The following ASPH variants were observed in gnomAD, a reference collection of about 807,000 sequenced individuals.
The protein encoded by ASPH is aspartate beta-hydroxylase, also known as aspartyl/asparaginyl beta-hydroxylase.
Under a neutral mutation model 118.4 loss-of-function variants are expected in ASPH, and 100 were observed. The observed-to-expected ratio is 0.84, with a 90% CI of 0.72 to 1.00. ASPH has a LOEUF of 1.00. Among genes scored for constraint, ASPH ranks in the 50% least tolerant of loss-of-function variants. The probability of loss-of-function intolerance (pLI) is 0.00; values close to 1 mark genes in which losing one functional copy is unlikely to be tolerated. For synonymous variants in ASPH, 315 were observed against 325.6 expected, an observed-to-expected ratio of 0.97 and a Z score of 0.35; for missense variants, 920 against 919.5, an observed-to-expected ratio of 1.00 and a Z score of -0.01.
chr8:61,506,490 T>C (rs1806626927), intron 24 of ASPH, among the ~76,000 whole-genome samples: 1 of 152,184 alleles, frequency 6.6e-6, no homozygotes, highest in South Asian at 2.1e-4. Flanking sequence ...ATGTGTATTT[T>C]ACTACAATTA....
chr8:61,676,266 T>TA (rs1169065470), intron 3 of ASPH: 1 of 1,591,018 alleles, frequency 6.3e-7, no homozygotes, highest in East Asian at 2.2e-5. Flanking sequence ...GCTAAAATAT[T>TA]AAGGACTTCC....
chr8:61,664,719 C>T, intron 3 of ASPH: 2 of 985,808 alleles, frequency 2.0e-6, no homozygotes, highest in Non-Finnish European at 2.4e-6. Flanking sequence ...GAGGAACGGC[C>T]CCCTGAAAGG....
intron 17 of ASPH, among the ~76,000 whole-genome samples, chr8:61,565,609 G>A: frequency 7.8e-6 from 1 of 128,670 alleles, no homozygotes; most frequent in South Asian, 2.5e-4. Context: ...GTTTCCAGAA[G>A]ATCTAGCTAA....
intron 3 of ASPH, 142 bp from the exon 4 acceptor site, chr8:61,653,802 G>A: frequency 1.2e-6 from 1 of 840,356 alleles, no homozygotes; most frequent in South Asian, 1.9e-5. Flanking sequence ...TAAAAAGTGA[G>A]GTAGGAAAAC....
chr8:61,584,006 A>G lies in ASPH; in HGVS notation c.1000T>C (p.Leu334=). The G allele has an allele frequency of 1.3e-6, 2 of 1,568,926 alleles. No individual in the cohort carries two copies. The highest frequency in any genetic ancestry group is 1.7e-6 in the Non-Finnish European group (2 of 1,153,888). The change falls in exon 15 of 25, where the codon TTA becomes CTA. Residue 334 remains leucine, a synonymous_variant. Transcript: ENST00000379454. ...AKVKKKKPKL[L]NKFDKTIKAE... ...TTAATAGTCTTATCAAATTTATTTA[A>G]AAGTTTAGGCTTCTTTTTCTTAACT...
At position 61,575,955 on chromosome 8, in the gene ASPH, C is replaced by T. The variant is rs531501792; in HGVS notation, c.1149+817G>A. Among the ~76,000 whole-genome samples, 14 of 152,328 alleles carry T rather than the reference C, an allele frequency of 9.2e-5. 1 individual carries two copies. In the South Asian group the frequency reaches 2.9e-3, roughly 32 times the overall value. ...ACCAGCCAGTCCTAAACTGTTCACC[C>T]TGCCCTACTTTGCCTCTTCCATGGA... On this transcript the variant is annotated intron_variant, in intron 16 of 24. Transcript: ENST00000379454.
intron 3 of ASPH, among the ~76,000 whole-genome samples, chr8:61,676,965 T>C (rs1825718035): frequency 6.6e-6 from 1 of 152,182 alleles, no homozygotes; most frequent in South Asian, 2.1e-4. Context: ...ACTTAAATTT[T>C]AACACTATTA....
intron 3 of ASPH, among the ~76,000 whole-genome samples, chr8:61,677,775 T>G (rs1563542823): frequency 6.6e-6 from 1 of 152,164 alleles, no homozygotes; most frequent in African/African-American, 2.4e-5. Flanking sequence ...ACACTATAGC[T>G]GCATATTTAG....
chr8:61,567,242 G>A lies in ASPH; in HGVS notation c.1226C>T (p.Ala409Val). ...RGAIETYQEV[A>V]SLPDVPADLL... ...GTCTGCAGGGACATCAGGTAGGCTG[G>A]CCACCTCTTGGTAGGTCTCGATGGC... The change falls in exon 17 of 25, where the codon GCC becomes GTC. Residue 409 changes from alanine (A) to valine (V), a missense_variant. Transcript: ENST00000379454. 1 of 1,613,996 alleles carries A rather than the reference G, an allele frequency of 6.2e-7. No homozygotes were observed.
intron 15 of ASPH, 56 bp downstream of exon 15, chr8:61,583,888 A>T: frequency 1.5e-5 from 17 of 1,144,586 alleles, no homozygotes; most frequent in East Asian, 7.2e-5. Context: ...ACAAATCAAG[A>T]GTAATGCCTG....
At position 61,651,034 on chromosome 8, in the gene ASPH, AGATT is replaced by A. The variant is rs768946243; in HGVS notation, c.490+12_490+15del. 5.0e-6 allele frequency: 8 copies of A among 1,598,086 alleles called. No individual in the cohort carries two copies. The highest frequency in any genetic ancestry group is 1.3e-5 in the African/African-American group (1 of 74,184). On this transcript the variant is annotated intron_variant, in intron 5 of 24. Transcript: ENST00000379454. The stretch of plus-strand genomic sequence containing the variant: ...ATTTTAGTAACTCAAAACAAAGAGC[AGATT>A]TTAATTCATACCATGTTCTGCGTGT...
intron 13 of ASPH, chr8:61,624,945 T>G: frequency 7.1e-6 from 7 of 985,098 alleles, no homozygotes; most frequent in Non-Finnish European, 8.4e-6. Flanking sequence ...ACACATCGAG[T>G]ACCCATGCAG....
chr8:61,651,189 C>CAT, intron 4 of ASPH, 65 bp from the exon 5 acceptor site: 1 of 1,327,332 alleles, frequency 7.5e-7, no homozygotes, highest in Non-Finnish European at 1.1e-6. Context: ...CCCTAACACT[C>CAT]AAATATGACA....
intron 21 of ASPH, among the ~76,000 whole-genome samples, chr8:61,527,153 G>C (rs1815690680): frequency 6.6e-6 from 1 of 152,134 alleles, no homozygotes; most frequent in Non-Finnish European, 1.5e-5. Context: ...GAACTAATAG[G>C]TTACAAACCA....
intron 21 of ASPH, among the ~76,000 whole-genome samples, chr8:61,540,778 G>C: frequency 6.6e-6 from 1 of 152,164 alleles, no homozygotes; most frequent in Non-Finnish European, 1.5e-5. Flanking sequence ...GTAATGTAGA[G>C]CAAGAAGTAA....
chr8:61,579,511 C>T, intron 15 of ASPH: 2 of 1,567,874 alleles, frequency 1.3e-6, no homozygotes. Context: ...GGGGGCCTCA[C>T]AAGCCCCGGC....
At chr8:61,714,202 C>G in intron 1 of ASPH, 67 bp downstream of exon 1, 1 of 1,357,058 alleles carries the variant, frequency 7.4e-7, no homozygotes, top group South Asian at 1.7e-5. Context: ...CCCGCAGCGT[C>G]CGCCGCGCCA....
chr8:61,677,175 C>T (rs1199088118), intron 3 of ASPH, among the ~76,000 whole-genome samples: 1 of 152,084 alleles, frequency 6.6e-6, no homozygotes, highest in Non-Finnish European at 1.5e-5. Context: ...TTGCTAAGAC[C>T]CCTTACAACT....
intron 5 of ASPH, among the ~76,000 whole-genome samples, chr8:61,648,994 G>A (rs1200011717): frequency 6.6e-6 from 1 of 152,226 alleles, no homozygotes; most frequent in Non-Finnish European, 1.5e-5. Flanking sequence ...ACAAGGAAAA[G>A]AGAGGTCAGC....
Sources: allele counts gnomAD v4.1 joint callset (sites outside exome capture counted in the v4.1 genomes callset), GRCh38; gene constraint gnomAD v4.1.1; transcripts MANE v1.5; gene names NCBI Gene and HGNC (gene_info 2026-07-23, HGNC 2026-07-21).